AFF2: variants seen among roughly 807,000 people sequenced by gnomAD.
AFF2 encodes the protein ALF transcription elongation factor 2, also known as AF4/FMR2 family member 2.
In AFF2, 14 loss-of-function variants were observed where a neutral mutation model predicts 76.9. The ratio of observed to expected loss-of-function variants is 0.18; its 90% CI spans 0.12 to 0.28. The LOEUF (loss-of-function observed/expected upper bound fraction) is 0.28. Among genes scored for constraint, AFF2 ranks in the 10% least tolerant of loss-of-function variants. The pLI is 1.00. For missense variants in AFF2, 868 were observed against 1,001.1 expected (o/e 0.87, Z 1.79); for synonymous variants, 398 against 366.7 (o/e 1.09, Z -0.98).
intron 4 of AFF2, among the ~76,000 whole-genome samples, chrX:148,816,002 T>C (rs192341912): frequency 8.9e-6 from 1 of 112,095 alleles, no homozygotes; most frequent in Non-Finnish European, 1.9e-5. Context: ...ATGTGTAGAA[T>C]TTACACCTGT....
chrX:148,962,449 A>G (rs2072120365), intron 12 of AFF2, among the ~76,000 whole-genome samples: 1 of 112,256 alleles, frequency 8.9e-6, no homozygotes, highest in Non-Finnish European at 1.9e-5. Context: ...TTAGGCATTT[A>G]CATTTGTCAT....
At chrX:148,805,383 T>C (rs1025498858) in intron 3 of AFF2, among the ~76,000 whole-genome samples, 1 of 111,609 alleles carries the variant, frequency 9.0e-6, no homozygotes, top group Non-Finnish European at 1.9e-5. Flanking sequence ...CTGTCTTCTC[T>C]CACAATCCCT....
At chrX:148,581,062 T>C (rs1412850062) in intron 1 of AFF2, among the ~76,000 whole-genome samples, 4 of 101,027 alleles carry the variant, frequency 4.0e-5, no homozygotes, top group African/African-American at 1.5e-4. Flanking sequence ...TATGTGTATA[T>C]GTATATATAC....
At chrX:148,668,321 C>G (rs2054381460) in intron 3 of AFF2, among the ~76,000 whole-genome samples, 1 of 112,611 alleles carries the variant, frequency 8.9e-6, no homozygotes, top group East Asian at 2.8e-4. Context: ...GTGCATGGTG[C>G]AAGCTGTTGA....
At chrX:148,927,591 G>T (rs1364872500) in intron 9 of AFF2, among the ~76,000 whole-genome samples, 2 of 110,893 alleles carry the variant, frequency 1.8e-5, no homozygotes, top group African/African-American at 3.3e-5. Flanking sequence ...CTGGAGGCTA[G>T]GTTAAAGGGA....
chrX:148,766,621 G>A (rs934897767), intron 3 of AFF2, among the ~76,000 whole-genome samples: 2 of 107,668 alleles, frequency 1.9e-5, no homozygotes, highest in Admixed American at 2.0e-4. Flanking sequence ...TGTCAGATGA[G>A]TAGGTTGCAA....
chrX:148,632,819 A>G (rs1557253210), intron 1 of AFF2, among the ~76,000 whole-genome samples: 1 of 111,872 alleles, frequency 8.9e-6, no homozygotes, highest in African/African-American at 3.2e-5. Flanking sequence ...CCTGTTTTAC[A>G]TGTGAGGAAG....
chrX:148,702,250 T>C (rs1569553650), intron 3 of AFF2, among the ~76,000 whole-genome samples: 1 of 111,913 alleles, frequency 8.9e-6, no homozygotes, highest in Non-Finnish European at 1.9e-5. Context: ...TTTCTCATAC[T>C]TAAAATTGTT....
rs1305354897 is a variant in AFF2 at position 148,997,856 on chromosome X, T to C, written c.*6524T>C. The C allele has an allele frequency of 2.7e-5, 3 of 112,357 alleles. No homozygotes were observed. Among genetic ancestry groups the C allele is most frequent in the Admixed American group, 1.9e-4 (2 of 10,609 alleles). The allele number at this position is 112,357 out of a possible 1,213,427, so 9.3% of individuals were successfully genotyped here. ...CTCACTAATCAATCATATTCACCCA[T>C]AAATATTACAAATGAGATTGATTCC... On this transcript the variant is annotated 3_prime_UTR_variant, in exon 21 of 21. Coordinates refer to ENST00000370460, the MANE Select transcript of AFF2 (RefSeq NM_002025.4).
At chrX:148,962,534 T>C (rs1201001361) in intron 12 of AFF2, among the ~76,000 whole-genome samples, 181 bp from the exon 13 acceptor site, 1 of 112,069 alleles carries the variant, frequency 8.9e-6, no homozygotes, top group Non-Finnish European at 1.9e-5. Flanking sequence ...TATAGAGAGA[T>C]ATCTATATCT....
intron 1 of AFF2, among the ~76,000 whole-genome samples, chrX:148,519,508 A>C (rs915570426): frequency 3.6e-5 from 4 of 112,415 alleles, no homozygotes; most frequent in Non-Finnish European, 5.6e-5. Context: ...ACTACAAATG[A>C]AAAAAGAAAA....
At chrX:148,506,038 C>G (rs781999646) in intron 1 of AFF2, among the ~76,000 whole-genome samples, 3 of 110,492 alleles carry the variant, frequency 2.7e-5, no homozygotes, top group African/African-American at 9.9e-5. Flanking sequence ...TGAGTGTTTA[C>G]TCTGTGCCAC....
rs1557293387 is a variant in AFF2 at position 148,997,192 on chromosome X, C to A, written c.*5860C>A. 9.0e-6 allele frequency: 1 copy of A among 111,601 alleles called. No individual in the cohort carries two copies. Among genetic ancestry groups the A allele is most frequent in the African/African-American group, 3.3e-5 (1 of 30,553 alleles). The allele number at this position is 111,601 out of a possible 1,213,427, so 9.2% of individuals were successfully genotyped here. On this transcript the variant is annotated 3_prime_UTR_variant, in exon 21 of 21. Transcript: ENST00000370460. ...GACTATTCAGAAACAATAATCCAAA[C>A]CAAAATAATTCTTTTTCCACCCAGT...
In AFF2 at chrX:148,500,995, A is replaced by G. The variant is rs2052340930; in HGVS notation, c.-103A>G. 4 of 1,013,949 alleles carry G rather than the reference A, an allele frequency of 3.9e-6. No homozygotes were observed. Among genetic ancestry groups the G allele is most frequent in the Non-Finnish European group, 5.3e-6 (4 of 761,790 alleles). 83.6% of individuals were successfully genotyped at this position (1,013,949 alleles called of 1,213,427 possible). ...ACTTTTAGCTGGGCGGGAGGGCTGGAGAGCCGGGGGCCGCCGAGAACCGCC... is the reference window on the plus strand; with the variant it reads ...ACTTTTAGCTGGGCGGGAGGGCTGGGGAGCCGGGGGCCGCCGAGAACCGCC... On this transcript the variant is annotated 5_prime_UTR_variant, in exon 1 of 21. Transcript: ENST00000370460.
chrX:148,789,232 T>C (rs1557269776), intron 3 of AFF2, among the ~76,000 whole-genome samples: 2 of 112,201 alleles, frequency 1.8e-5, no homozygotes, highest in Non-Finnish European at 3.8e-5. Flanking sequence ...AAGCATCTAG[T>C]CCTGCAATTC....
rs368077947 is a variant in AFF2 at position 148,700,419 on chromosome X, AGTGTGTGTGTGT to A, written c.1041+37683_1041+37694del. ...ATCCAAAGGAAGGGAGTACTGTTGA[AGTGTGTGTGTGT>A]GTGTGTGTGTGTGTGTGTGTGTGTG... On this transcript the variant is annotated intron_variant, in intron 3 of 20. Transcript: ENST00000370460. Among the ~76,000 whole-genome samples the A allele has an allele frequency of 2.9e-4, 24 of 82,492 alleles. No homozygotes were observed. The South Asian group carries it at 3.3e-3, about 11-fold the overall frequency. The allele number at this position is 82,492 out of a possible 115,157, so 71.6% of individuals were successfully genotyped here.
intron 10 of AFF2, among the ~76,000 whole-genome samples, chrX:148,954,518 C>G (rs1321525974): frequency 1.8e-5 from 2 of 112,254 alleles, no homozygotes; most frequent in Non-Finnish European, 3.8e-5. Flanking sequence ...ATGTGCCAGG[C>G]ACTGTGCTGA....
In AFF2 at chrX:148,980,880, C is replaced by A. The variant is rs1232981938; in HGVS notation, c.3623+90C>A. ...GCATTGACAAGTCAGGAGTGAAGGT[C>A]AATTCTAGAACTACAGTCATTTTTG... On this transcript the variant is annotated intron_variant, in intron 19 of 20. Transcript: ENST00000370460. 7 of 641,742 alleles carry A rather than the reference C, an allele frequency of 1.1e-5. No individual in the cohort carries two copies. In the East Asian group the frequency reaches 2.7e-4, roughly 25 times the overall value. The allele number at this position is 641,742 out of a possible 1,213,427, so 52.9% of individuals were successfully genotyped here. A position where few individuals can be genotyped will look rare whatever the true frequency, so the allele number is the denominator to read the frequency against.
intron 3 of AFF2, among the ~76,000 whole-genome samples, chrX:148,760,694 T>C: frequency 8.9e-6 from 1 of 112,155 alleles, no homozygotes; most frequent in Non-Finnish European, 1.9e-5. Context: ...AACAGTGAAG[T>C]ATGCTGAGGT....
Sources: allele counts gnomAD v4.1 joint callset (sites outside exome capture counted in the v4.1 genomes callset), GRCh38; gene constraint gnomAD v4.1.1; transcripts MANE v1.5; gene names NCBI Gene and HGNC (gene_info 2026-07-23, HGNC 2026-07-21).